The following CHFR variants were observed in gnomAD, a reference collection of about 807,000 sequenced individuals.
CHFR encodes E3 ubiquitin-protein ligase CHFR.
Under a neutral mutation model 87.6 loss-of-function variants are expected in CHFR, and 57 were observed. The ratio of observed to expected loss-of-function variants is 0.65; its 90% CI spans 0.53 to 0.81. The LOEUF is 0.81. CHFR is among the 30% of genes least tolerant of loss of function. CHFR has a pLI of 0.00. For missense variants in CHFR, 797 were observed against 865.8 expected (o/e 0.92, Z 1.00); for synonymous variants, 381 against 359.2 (o/e 1.06, Z -0.69).
intron 6 of CHFR, 124 bp downstream of exon 6, chr12:132,869,495 A>G (rs1269465144): frequency 1.2e-6 from 1 of 811,782 alleles, no homozygotes; most frequent in Non-Finnish European, 2.0e-6. Context: ...TCCTACAGAA[A>G]TCTCACTACT....
At chr12:132,885,265 G>A (rs1951861070) in intron 2 of CHFR, among the ~76,000 whole-genome samples, 1 of 151,010 alleles carries the variant, frequency 6.6e-6, no homozygotes, top group African/African-American at 2.4e-5. Context: ...AAATACCACT[G>A]CCAGGCGTGG....
At chr12:132,869,928 GC>G in intron 5 of CHFR, 130 bp from the exon 6 acceptor site, 1 of 1,080,976 alleles carries the variant, frequency 9.3e-7, no homozygotes, top group Non-Finnish European at 1.3e-6. Flanking sequence ...CAGCCCCAAG[GC>G]CAGGCACGGT....
chr12:132,872,815 C>T (rs1951522010), intron 3 of CHFR, among the ~76,000 whole-genome samples: 1 of 152,216 alleles, frequency 6.6e-6, no homozygotes, highest in Non-Finnish European at 1.5e-5. Context: ...GAGTACTGAT[C>T]CCTCCCAAGA....
rs528825047 is a variant in CHFR at position 132,869,671 on chromosome 12, C to T, written c.531G>A (p.Ser177=). 6.2e-5 allele frequency: 96 copies of T among 1,551,666 alleles called. No homozygotes were observed. In the African/African-American group the frequency reaches 9.8e-4, roughly 16 times the overall value. ...CAGGAGAAGGCTCCGTGGAAGAGGC[C>T]GAGGCTGTGGGGAAGAGGTCTGACG... ...TSTSDLFPTA[S]ASSTEPSPAG... is the part of the protein sequence containing the mutation. Residue 177 remains serine, a synonymous_variant, in exon 6 of 18, where the codon TCG becomes TCA. Transcript: ENST00000450056.
chr12:132,853,648 C>T (rs1950998243), intron 10 of CHFR, 75 bp from the exon 11 acceptor site: 15 of 1,438,476 alleles, frequency 1.0e-5, no homozygotes, highest in Middle Eastern at 3.9e-4. Flanking sequence ...CGCGGGTCCG[C>T]AGCCATCACA....
intron 4 of CHFR, 34 bp downstream of exon 4, chr12:132,872,251 G>C (rs369521765): frequency 3.1e-5 from 44 of 1,419,592 alleles, no homozygotes; most frequent in Non-Finnish European, 4.4e-5. Context: ...ACCCCCGTGC[G>C]GGTCTGACCC....
chr12:132,832,590 T>G lies in CHFR; in HGVS notation c.*8964A>C, dbSNP rs538483221. 3 of 152,172 alleles carry G rather than the reference T, an allele frequency of 2.0e-5. No homozygotes were observed. Among genetic ancestry groups the G allele is most frequent in the African/African-American group, 7.2e-5 (3 of 41,440 alleles). 9.4% of individuals were successfully genotyped at this position (152,172 alleles called of 1,614,324 possible). A position where few individuals can be genotyped will look rare whatever the true frequency, so the allele number is the denominator to read the frequency against. On this transcript the variant is annotated 3_prime_UTR_variant, in exon 18 of 18. Transcript: ENST00000450056. ...AAAATATCAAGGTACTCCATAAATA[T>G]ATACACCTTTTATGTACCCACAGTA...
chr12:132,875,823 A>G (rs1272595388), intron 3 of CHFR, among the ~76,000 whole-genome samples: 2 of 152,202 alleles, frequency 1.3e-5, no homozygotes. Context: ...TAAGATAATG[A>G]AAAGATGAGC....
intron 12 of CHFR, among the ~76,000 whole-genome samples, chr12:132,850,877 C>T (rs1593457708): frequency 6.6e-6 from 1 of 151,380 alleles, no homozygotes; most frequent in East Asian, 1.9e-4. Flanking sequence ...AGGCAAAGGA[C>T]ATAGACAGAC....
intron 5 of CHFR, among the ~76,000 whole-genome samples, chr12:132,870,203 T>C (rs1478108434): frequency 6.6e-6 from 1 of 151,818 alleles, no homozygotes; most frequent in African/African-American, 2.4e-5. Context: ...ATACAAAAAA[T>C]TAGCTGGGCA....
intron 15 of CHFR, among the ~76,000 whole-genome samples, chr12:132,844,777 T>C (rs1354919365): frequency 0.041 from 4,663 of 114,514 alleles, no homozygotes; most frequent in Non-Finnish European, 0.073. Flanking sequence ...ACTACAGGTG[T>C]GTGCCACCGT....
At position 132,841,522 on chromosome 12, in the gene CHFR, A is replaced by G; in HGVS notation, c.*32T>C. 1 of 1,579,640 alleles carries G rather than the reference A, an allele frequency of 6.3e-7. No homozygotes were observed. ...TTAAAAACACGCTCTCTTCACCTCC[A>G]GTGCTGAAAGCTGCTCAGGGCCTCT... is the stretch of plus-strand genomic sequence containing the variant. On this transcript the variant is annotated 3_prime_UTR_variant, in exon 18 of 18. Coordinates refer to ENST00000450056, the MANE Select transcript of CHFR (RefSeq NM_001161346.2).
intron 2 of CHFR, among the ~76,000 whole-genome samples, chr12:132,881,046 C>G (rs1353212443): frequency 4.6e-5 from 7 of 151,956 alleles, no homozygotes. Flanking sequence ...GCGGGCGGAT[C>G]ACTTCAGACC....
chr12:132,843,255 T>C (rs1207166510), intron 16 of CHFR, among the ~76,000 whole-genome samples, 172 bp from the exon 17 acceptor site: 6 of 152,072 alleles, frequency 3.9e-5, no homozygotes, highest in Non-Finnish European at 5.9e-5. Context: ...AGGAAACACA[T>C]GTTTAACTAA....
chr12:132,887,168 G>GC, intron 2 of CHFR, 28 bp downstream of exon 2: 1 of 1,454,264 alleles, frequency 6.9e-7, no homozygotes. Flanking sequence ...CCCGGCCCCG[G>GC]CCCCCGGCCC....
intron 3 of CHFR, among the ~76,000 whole-genome samples, chr12:132,876,357 C>G (rs1951631781): frequency 6.6e-6 from 1 of 152,076 alleles, no homozygotes; most frequent in Non-Finnish European, 1.5e-5. Flanking sequence ...AATGTGAAAT[C>G]CAAAACTTTT....
At chr12:132,846,479 C>A (rs1053789313) in intron 15 of CHFR, among the ~76,000 whole-genome samples, 6 of 151,790 alleles carry the variant, frequency 4.0e-5, no homozygotes, top group African/African-American at 1.4e-4. Context: ...ACCGTGTTAG[C>A]CAGGATGGTC....
intron 4 of CHFR, chr12:132,872,030 C>T: frequency 2.2e-6 from 1 of 451,692 alleles, no homozygotes; most frequent in Non-Finnish European, 4.0e-6. Flanking sequence ...ATCAGTTTCT[C>T]CTTGGCTGCC....
At position 132,838,969 on chromosome 12, in the gene CHFR, G is replaced by C. The variant is rs1950669103; in HGVS notation, c.*2585C>G. The C allele has an allele frequency of 6.6e-6, 1 of 152,428 alleles. No individual in the cohort carries two copies. The highest frequency in any genetic ancestry group is 6.5e-5 in the Admixed American group (1 of 15,272). The allele number at this position is 152,428 out of a possible 1,614,324, so 9.4% of individuals were successfully genotyped here. ...CTCACATCACAGCCAAACCCAAGCT[G>C]TTCCGACTGCTCCAGGTAGAAATCC... On this transcript the variant is annotated 3_prime_UTR_variant, in exon 18 of 18. Transcript: ENST00000450056.
Sources: gnomAD v4.1 joint callset for allele counts (sites outside exome capture counted in the v4.1 genomes callset) on GRCh38, gnomAD v4.1.1 for gene constraint, MANE v1.5 for transcripts, NCBI Gene and HGNC (gene_info 2026-07-23, HGNC 2026-07-21) for gene names.